PHF3: variants seen among roughly 807,000 people sequenced by gnomAD.
PHF3 encodes PHD finger protein 3.
PHF3 carries 41 observed loss-of-function variants against 178.4 expected under a neutral mutation model. That is an observed-to-expected ratio of 0.23 (90% CI 0.18 to 0.30). PHF3 has a LOEUF of 0.30. PHF3 is among the 10% of genes least tolerant of loss of function. PHF3 has a pLI of 1.00. For synonymous variants in PHF3, 842 were observed against 800.5 expected, an observed-to-expected ratio of 1.05 and a Z score of -0.88; for missense variants, 2,346 against 2,398.1, an observed-to-expected ratio of 0.98 and a Z score of 0.45.
chr6:63,698,679 TA>T (rs1215236050), intron 8 of PHF3, 74 bp downstream of exon 8: 23 of 1,015,750 alleles, frequency 2.3e-5, no homozygotes, highest in Non-Finnish European at 3.2e-5. Flanking sequence ...TGTAATACAG[TA>T]GATCTATAAT....
chr6:63,664,212 G>A (rs1265020113), intron 2 of PHF3, among the ~76,000 whole-genome samples: 3 of 152,190 alleles, frequency 2.0e-5, no homozygotes, highest in African/African-American at 7.2e-5. Flanking sequence ...TTGACTACTA[G>A]GCTTTTTTTC....
chr6:63,685,676 G>A lies in PHF3; in HGVS notation c.1954G>A (p.Val652Ile), dbSNP rs781351737. 8 of 1,614,038 alleles carry A rather than the reference G, an allele frequency of 5.0e-6. No homozygotes were observed. The highest frequency in any genetic ancestry group is 4.5e-5 in the East Asian group (2 of 44,882). ...HVKEELEHPG[V>I]EHFKEEDKLK... ...GAAGGAAGAGCTTGAACACCCAGGC[G>A]TTGAGCATTTTAAGGAAGAGGATAA... The change falls in exon 4 of 16, where the codon GTT becomes ATT. Residue 652 changes from valine to isoleucine, a missense_variant. This residue lies in a region of PHF3 where 843 missense variants were observed against 795.2 expected (regional missense o/e 1.06). Coordinates refer to ENST00000262043, the MANE Select transcript of PHF3 (RefSeq NM_001370348.2).
At chr6:63,647,512 T>C (rs1442970165) in intron 2 of PHF3, among the ~76,000 whole-genome samples, 1 of 152,200 alleles carries the variant, frequency 6.6e-6, no homozygotes, top group Non-Finnish European at 1.5e-5. Flanking sequence ...GGTGATATTT[T>C]GGATATTTGT....
At position 63,653,196 on chromosome 6, in the gene PHF3, G is replaced by A. The variant is rs138113725; in HGVS notation, c.244+6401G>A. Reference sequence around the variant, plus strand: ...TTCTGTGTATTGTTTTTTTTGTGTGGTTTTGGGGATTTTTTTTTCTATTTC... The same window carrying A: ...TTCTGTGTATTGTTTTTTTTGTGTGATTTTGGGGATTTTTTTTTCTATTTC... On this transcript the variant is annotated intron_variant, in intron 2 of 15. Transcript: ENST00000262043. Among the ~76,000 whole-genome samples the A allele has an allele frequency of 5.2e-3, 778 of 148,944 alleles. 3 individuals are homozygous for A. The highest frequency in any genetic ancestry group is 8.0e-3 in the Non-Finnish European group (538 of 67,176).
At chr6:63,665,489 T>TTG (rs1554150212) in intron 2 of PHF3, among the ~76,000 whole-genome samples, 5 of 144,458 alleles carry the variant, frequency 3.5e-5, no homozygotes, top group Admixed American at 6.9e-5. Flanking sequence ...TTTTTTTGTT[T>TTG]TTTTTTTTTT....
intron 2 of PHF3, among the ~76,000 whole-genome samples, chr6:63,679,320 C>T (rs1429491423): frequency 6.6e-6 from 1 of 152,004 alleles, no homozygotes; most frequent in Non-Finnish European, 1.5e-5. Context: ...CATTCTTTCT[C>T]CACCCCACAA....
At chr6:63,704,768 A>G (rs1267210240) in intron 11 of PHF3, among the ~76,000 whole-genome samples, 2 of 152,072 alleles carry the variant, frequency 1.3e-5, no homozygotes, top group African/African-American at 2.4e-5. Flanking sequence ...ATGGAGCACA[A>G]TTGCTGGATT....
chr6:63,703,425 C>T, intron 10 of PHF3, 111 bp from the exon 11 acceptor site: 6 of 1,090,456 alleles, frequency 5.5e-6, no homozygotes, highest in Non-Finnish European at 7.8e-6. Context: ...AAAAACTTAT[C>T]TATGGAACAA....
intron 2 of PHF3, among the ~76,000 whole-genome samples, chr6:63,662,214 G>T (rs530520249): frequency 8.5e-5 from 13 of 152,224 alleles, no homozygotes; most frequent in Middle Eastern, 3.4e-3. Flanking sequence ...GTGCCAAAAA[G>T]GTTGGGGGCC....
chr6:63,694,410 G>A (rs1767142582), intron 5 of PHF3, among the ~76,000 whole-genome samples, 171 bp from the exon 6 acceptor site: 1 of 151,998 alleles, frequency 6.6e-6, no homozygotes, highest in African/African-American at 2.4e-5. Flanking sequence ...TATGTCCTTT[G>A]TTTCTCCTTT....
At position 63,720,980 on chromosome 6, in the gene PHF3, G is replaced by A. The variant is rs572542912; in HGVS notation, c.*7272G>A. ...CTCCCAAGTTAACTGCTATTTTCAA[G>A]GTCTGATTATGGAGACCAATTGCCA... On this transcript the variant is annotated 3_prime_UTR_variant, in exon 16 of 16. Transcript: ENST00000262043. 4.5e-6 allele frequency: 7 copies of A among 1,551,322 alleles called. No individual in the cohort carries two copies. The Admixed American group carries it at 1.4e-4, about 30-fold the overall frequency.
At position 63,712,779 on chromosome 6, in the gene PHF3, T is replaced by C. The variant is rs921257461; in HGVS notation, c.5191T>C (p.Ser1731Pro). Residue 1731 changes from serine to proline, a missense_variant, in exon 16 of 16, where the codon TCT (serine) becomes CCT (proline). Coordinates refer to ENST00000262043, the MANE Select transcript of PHF3 (RefSeq NM_001370348.2). ...NSPSVENIQT[S>P]QAEQAKPLQE... ...ACCATCAGTAGAAAACATACAGACTTCTCAAGCAGAACAAGCAAAACCCTT... is the reference window on the plus strand; with the variant it reads ...ACCATCAGTAGAAAACATACAGACTCCTCAAGCAGAACAAGCAAAACCCTT... 1 of 1,613,842 alleles carries C rather than the reference T, an allele frequency of 6.2e-7. No homozygotes were observed. The highest frequency in any genetic ancestry group is 8.5e-7 in the Non-Finnish European group (1 of 1,179,940).
Position 63,700,388 on chromosome 6 carries a change from T to C in PHF3, c.3021T>C (p.Pro1007=). ...FKKVLKGEVT[P]DHLIRMSPEE... ...AAGTACTGAAAGGAGAAGTAACTCC[T>C]GATCATCTTATCAGAATGAGTCCAG... The change falls in exon 9 of 16, where the codon CCT becomes CCC. Residue 1007 remains proline, a synonymous_variant. Transcript: ENST00000262043. The C allele has an allele frequency of 6.3e-7, 1 of 1,596,822 alleles. No individual in the cohort carries two copies. Among genetic ancestry groups the C allele is most frequent in the Non-Finnish European group, 8.6e-7 (1 of 1,167,230 alleles).
rs1182998478 is a variant in PHF3 at position 63,719,138 on chromosome 6, C to G, written c.*5430C>G. Among the ~76,000 whole-genome samples, 1 of 152,024 alleles carries G rather than the reference C, an allele frequency of 6.6e-6. No individual in the cohort carries two copies. Among genetic ancestry groups the G allele is most frequent in the African/African-American group, 2.4e-5 (1 of 41,436 alleles). On this transcript the variant is annotated 3_prime_UTR_variant, in exon 16 of 16. Transcript: ENST00000262043. Reference sequence around the variant, plus strand: ...CTGTATGTTTGGAAACATTTGTGCCCTGTCAAATGGTGTTGACATTCTTAA... The same window carrying G: ...CTGTATGTTTGGAAACATTTGTGCCGTGTCAAATGGTGTTGACATTCTTAA...
At chr6:63,637,519 A>T (rs1391596494) in intron 1 of PHF3, among the ~76,000 whole-genome samples, 1 of 152,208 alleles carries the variant, frequency 6.6e-6, no homozygotes, top group Non-Finnish European at 1.5e-5. Context: ...TTGTGTAAAG[A>T]TTATTGTTAT....
chr6:63,693,083 G>A (rs1298665918), intron 5 of PHF3, among the ~76,000 whole-genome samples: 1 of 152,110 alleles, frequency 6.6e-6, no homozygotes, highest in Non-Finnish European at 1.5e-5. Context: ...ATCAGATTCT[G>A]TCCTTCTGAT....
rs1768280130 is a variant in PHF3, at chr6:63,719,207, T to G, written c.*5499T>G. 1.3e-5 allele frequency among the ~76,000 whole-genome samples: 2 copies of G among 152,084 alleles called. No individual in the cohort carries two copies. Among genetic ancestry groups the G allele is most frequent in the East Asian group, 1.9e-4 (1 of 5,200 alleles). Reference sequence around the variant, plus strand: ...TTAGGAATGTCTGTAGCCTTTTGATTGGAATGGAGTGGCTAAAATAAGACA... The same window carrying G: ...TTAGGAATGTCTGTAGCCTTTTGATGGGAATGGAGTGGCTAAAATAAGACA... On this transcript the variant is annotated 3_prime_UTR_variant, in exon 16 of 16. Coordinates refer to ENST00000262043, the MANE Select transcript of PHF3 (RefSeq NM_001370348.2).
chr6:63,673,446 A>G (rs558408834), intron 2 of PHF3, among the ~76,000 whole-genome samples: 23 of 152,208 alleles, frequency 1.5e-4, no homozygotes, highest in Non-Finnish European at 2.6e-4. Flanking sequence ...AAAAAAAATC[A>G]CCGTTTCTTC....
intron 2 of PHF3, among the ~76,000 whole-genome samples, chr6:63,651,768 A>T (rs1004378926): frequency 2.0e-5 from 3 of 151,202 alleles, no homozygotes; most frequent in Non-Finnish European, 2.9e-5. Flanking sequence ...TGTGAGCTCA[A>T]CTCTTTTGCT....
Sources: gnomAD v4.1 joint callset for allele counts (sites outside exome capture counted in the v4.1 genomes callset) on GRCh38, gnomAD v4.1.1 for gene constraint, gnomAD v4.1.1 regional missense constraint, MANE v1.5 for transcripts, NCBI Gene and HGNC (gene_info 2026-07-23, HGNC 2026-07-21) for gene names.